Variants in RUFY1 observed in about 807,000 individuals in gnomAD.
The protein encoded by RUFY1 is RUN and FYVE domain-containing protein 1.
A neutral mutation model predicts 94.6 loss-of-function variants in RUFY1; 54 were observed. The ratio of observed to expected loss-of-function variants is 0.57; its 90% confidence interval spans 0.46 to 0.72. The LOEUF (loss-of-function observed/expected upper bound fraction) is 0.72, where lower values mean the gene tolerates loss of function less well. Among genes scored for constraint, RUFY1 ranks in the 30% least tolerant of loss-of-function variants. The probability of loss-of-function intolerance (pLI) is 0.00; values close to 1 mark genes in which losing one functional copy is unlikely to be tolerated. For synonymous variants in RUFY1, 396 were observed against 347.3 expected, an observed-to-expected ratio of 1.14 and a Z score of -1.56; for missense variants, 883 against 883.9, an observed-to-expected ratio of 1.00 and a Z score of 0.01.
intron 17 of RUFY1, among the ~76,000 whole-genome samples, chr5:179,609,002 G>A (rs1254041551): frequency 5.3e-5 from 8 of 150,764 alleles, no homozygotes; most frequent in Middle Eastern, 3.5e-3. Context: ...GGCAGATCAC[G>A]AGGTCAGGAG....
chr5:179,605,232 T>C (rs1034216650), intron 15 of RUFY1, among the ~76,000 whole-genome samples: 3 of 151,116 alleles, frequency 2.0e-5, no homozygotes, highest in Non-Finnish European at 4.4e-5. Flanking sequence ...TGAGCCATGA[T>C]TGCACCACTG....
At chr5:179,564,009 C>G (rs945548634) in intron 3 of RUFY1, among the ~76,000 whole-genome samples, 1 of 151,976 alleles carries the variant, frequency 6.6e-6, no homozygotes, top group African/African-American at 2.4e-5. Context: ...AGTCTACTGC[C>G]CTGCGTCTTC....
intron 1 of RUFY1, among the ~76,000 whole-genome samples, chr5:179,556,617 C>T (rs527934565): frequency 6.4e-4 from 97 of 152,194 alleles, no homozygotes; most frequent in African/African-American, 2.2e-3. Flanking sequence ...CCTCCCACCT[C>T]AGCCTCCCCA....
chr5:179,552,039 C>G (rs906249070), intron 1 of RUFY1, among the ~76,000 whole-genome samples: 1 of 151,136 alleles, frequency 6.6e-6, no homozygotes, highest in African/African-American at 2.4e-5. Flanking sequence ...TTGGCATGCA[C>G]CTGTAGTCCC....
chr5:179,557,385 G>A (rs996269214), intron 1 of RUFY1, among the ~76,000 whole-genome samples: 1 of 152,148 alleles, frequency 6.6e-6, no homozygotes, highest in Non-Finnish European at 1.5e-5. Context: ...AGCCAAGATC[G>A]TGCCATTGCA....
At chr5:179,595,887 G>A (rs1161972688) in intron 12 of RUFY1, 1 of 153,644 alleles carries the variant, frequency 6.5e-6, no homozygotes, top group African/African-American at 2.4e-5. Flanking sequence ...AAGTGCTGAT[G>A]AGGACACGGA....
rs1275581287 is a variant in RUFY1, at chr5:179,593,494, T to C, written c.1262T>C (p.Leu421Pro). The change falls in exon 11 of 18, where the codon CTG becomes CCG. Residue 421 changes from leucine to proline, a missense_variant. By Grantham distance (98) the Leu-to-Pro change is moderately conservative (BLOSUM62 -3). Transcript: ENST00000319449. ...KKVRLELEKELELQIGMKTEM... is the reference protein window; with the variant it reads ...KKVRLELEKEPELQIGMKTEM... ...CCTTTTAAGGAACTGGAAAAAGAACTGGAGTTACAAATTGGAATGAAAACC... is the reference window on the plus strand; with the variant it reads ...CCTTTTAAGGAACTGGAAAAAGAACCGGAGTTACAAATTGGAATGAAAACC... 3.8e-6 allele frequency: 6 copies of C among 1,596,346 alleles called. No homozygotes were observed. The highest frequency in any genetic ancestry group is 3.4e-6 in the Non-Finnish European group (4 of 1,163,786).
At chr5:179,580,042 T>C (rs1763994379) in intron 6 of RUFY1, among the ~76,000 whole-genome samples, 1 of 152,028 alleles carries the variant, frequency 6.6e-6, no homozygotes, top group Non-Finnish European at 1.5e-5. Context: ...TTGAATTAAT[T>C]ATGGAACATA....
chr5:179,580,237 G>GTATATATATATA (rs1413360910), intron 6 of RUFY1, among the ~76,000 whole-genome samples: 1 of 47,186 alleles, frequency 2.1e-5, no homozygotes, highest in Non-Finnish European at 5.1e-5. Flanking sequence ...GTGTGTGTGT[G>GTATATATATATA]TGTGTATATT....
In RUFY1 at chr5:179,601,776, G is replaced by C. The variant is rs1581559938; in HGVS notation, c.1762-116G>C. The stretch of plus-strand genomic sequence containing the variant: ...GGAGGTTGCAGTGAGCCAAGATCGT[G>C]CCACTGCACTCCAGCCTGGCAACAG... On this transcript the variant is annotated intron_variant, in intron 14 of 17. Transcript: ENST00000319449. The C allele has an allele frequency of 3.8e-5, 28 of 734,782 alleles. 1 individual carries two copies. The South Asian group carries it at 4.7e-4, about 12-fold the overall frequency. 45.5% of individuals were successfully genotyped at this position (734,782 alleles called of 1,614,324 possible).
At chr5:179,595,309 C>G (rs1765514280) in intron 12 of RUFY1, among the ~76,000 whole-genome samples, 1 of 152,160 alleles carries the variant, frequency 6.6e-6, no homozygotes. Flanking sequence ...GAAACCCCGT[C>G]TCTACTAAAA....
intron 7 of RUFY1, among the ~76,000 whole-genome samples, chr5:179,585,077 G>T (rs1333041838): frequency 6.6e-6 from 1 of 152,146 alleles, no homozygotes; most frequent in Non-Finnish European, 1.5e-5. Flanking sequence ...GTTCCAGTGA[G>T]TTGAGCTCGC....
At chr5:179,552,646 A>G (rs1761920594) in intron 1 of RUFY1, among the ~76,000 whole-genome samples, 1 of 152,234 alleles carries the variant, frequency 6.6e-6, no homozygotes, top group Admixed American at 6.5e-5. Context: ...AAGTCAAGGC[A>G]TGGCGTCTCC....
intron 12 of RUFY1, chr5:179,596,314 T>A (rs920990357): frequency 5.2e-6 from 3 of 577,790 alleles, no homozygotes; most frequent in Non-Finnish European, 3.1e-6. Flanking sequence ...TGAGATTACA[T>A]TCTCAAAAAG....
At chr5:179,558,245 A>G (rs531861727) in intron 1 of RUFY1, among the ~76,000 whole-genome samples, 2 of 152,314 alleles carry the variant, frequency 1.3e-5, no homozygotes, top group East Asian at 3.9e-4. Context: ...TAAAATTTAT[A>G]AATATAATAC....
At chr5:179,597,976 G>A (rs1765851094) in intron 13 of RUFY1, among the ~76,000 whole-genome samples, 1 of 152,186 alleles carries the variant, frequency 6.6e-6, no homozygotes, top group Non-Finnish European at 1.5e-5. Context: ...AGATCACGAG[G>A]TCAGGAGTTC....
rs750868782 is a variant in RUFY1 at position 179,605,956 on chromosome 5, GTCAGCT to G, written c.1905+34_1905+39del. The G allele has an allele frequency of 4.0e-6, 6 of 1,495,456 alleles. No individual in the cohort carries two copies. In the Admixed American group the frequency reaches 6.7e-5, roughly 17 times the overall value. 92.6% of individuals were successfully genotyped at this position (1,495,456 alleles called of 1,614,324 possible). Reference sequence around the variant, plus strand: ...CCTTGCTAAGAACCACTTCTTTGCTGTCAGCTTGTGCTGACTGCCCGTGTGCTCGTA... The same window carrying G: ...CCTTGCTAAGAACCACTTCTTTGCTGTGTGCTGACTGCCCGTGTGCTCGTA... On this transcript the variant is annotated intron_variant, in intron 16 of 17. Coordinates refer to ENST00000319449, the MANE Select transcript of RUFY1 (RefSeq NM_025158.5).
chr5:179,604,037 A>T (rs1428895713), intron 15 of RUFY1, among the ~76,000 whole-genome samples: 1 of 152,232 alleles, frequency 6.6e-6, no homozygotes, highest in Admixed American at 6.5e-5. Flanking sequence ...AGCCTGGGCA[A>T]TAAGAGTGAA....
At chr5:179,580,241 G>GTGTGTGTA (rs149099074) in intron 6 of RUFY1, among the ~76,000 whole-genome samples, 3 of 93,852 alleles carry the variant, frequency 3.2e-5, no homozygotes, top group African/African-American at 7.0e-5. Context: ...GTGTGTGTGT[G>GTGTGTGTA]TATATTTTTT....
Sources: gnomAD v4.1 joint callset for allele counts (sites outside exome capture counted in the v4.1 genomes callset) on GRCh38, gnomAD v4.1.1 for gene constraint, MANE v1.5 for transcripts, NCBI Gene and HGNC (gene_info 2026-07-23, HGNC 2026-07-21) for gene names.